TTC34: variants seen among roughly 807,000 people sequenced by gnomAD.
TTC34 encodes tetratricopeptide repeat protein 34.
Under a neutral mutation model 40.7 loss-of-function variants are expected in TTC34, and 44 were observed. The observed-to-expected ratio is 1.08, with a 90% CI of 0.85 to 1.39. The LOEUF (loss-of-function observed/expected upper bound fraction) is 1.39. TTC34 is among the 40% of genes most tolerant of loss of function. The probability of loss-of-function intolerance (pLI) is 0.00; values close to 1 mark genes in which losing one functional copy is unlikely to be tolerated. For missense variants in TTC34, 884 were observed against 838.0 expected (o/e 1.05, Z -0.68); for synonymous variants, 422 against 398.6 (o/e 1.06, Z -0.70).
intron 6 of TTC34, among the ~76,000 whole-genome samples, chr1:2,753,726 C>A (rs1344687926): frequency 2.0e-5 from 2 of 101,858 alleles, no homozygotes; most frequent in Non-Finnish European, 3.6e-5. Context: ...CAGCCTGGAG[C>A]AGCACACACA....
intron 6 of TTC34, among the ~76,000 whole-genome samples, chr1:2,752,584 A>C (rs1255917283): frequency 6.0e-3 from 63 of 10,542 alleles, no homozygotes; most frequent in East Asian, 0.017. Flanking sequence ...CCCAGGTGAG[A>C]ATCTGACAAC....
intron 6 of TTC34, among the ~76,000 whole-genome samples, chr1:2,652,115 C>T (rs796832331): frequency 4.5e-4 from 1 of 2,224 alleles, no homozygotes; most frequent in Admixed American, 6.8e-3. Flanking sequence ...ACTGGAACAG[C>T]ACCCTGCACC....
chr1:2,691,074 T>C lies in TTC34; in HGVS notation c.2227-45511A>G, dbSNP rs1017147871. Among the ~76,000 whole-genome samples, 19 of 80,722 alleles carry C rather than the reference T, an allele frequency of 2.4e-4. 8 individuals carry two copies. Among genetic ancestry groups the C allele is most frequent in the Non-Finnish European group, 5.1e-4 (17 of 33,454 alleles). The allele number at this position is 80,722 out of a possible 152,430, so 53.0% of individuals were successfully genotyped here. ...CAGCACCCACAAACCCAGGTGAGCATCTGATGCTTTGGAGCAGCACCCACA... is the reference window on the plus strand; with the variant it reads ...CAGCACCCACAAACCCAGGTGAGCACCTGATGCTTTGGAGCAGCACCCACA... On this transcript the variant is annotated intron_variant, in intron 6 of 8. Transcript: ENST00000401095.
chr1:2,783,640 G>C, exon 6 of TTC34: 1 of 1,465,140 alleles, frequency 6.8e-7, no homozygotes, highest in Non-Finnish European at 9.1e-7. Flanking sequence ...GTGCACCAAC[G>C]CCCGTCCACA....
chr1:2,683,874 C>G (rs553444550), intron 6 of TTC34, among the ~76,000 whole-genome samples: 1 of 140,142 alleles, frequency 7.1e-6, no homozygotes, highest in African/African-American at 2.9e-5. Flanking sequence ...GAACCCACAC[C>G]CCGAGGCGAG....
At chr1:2,771,518 G>GTC (rs1642138499) in intron 6 of TTC34, among the ~76,000 whole-genome samples, 1 of 39,980 alleles carries the variant, frequency 2.5e-5, no homozygotes, top group Non-Finnish European at 4.2e-5. Context: ...GGAGTAGCAC[G>GTC]CACACCCCCA....
chr1:2,699,011 C>G (rs1216560545), intron 6 of TTC34, among the ~76,000 whole-genome samples: 1 of 75,828 alleles, frequency 1.3e-5, no homozygotes, highest in Non-Finnish European at 3.7e-5. Context: ...GCACCCACAC[C>G]ACCAGGTGAG....
intron 6 of TTC34, among the ~76,000 whole-genome samples, chr1:2,648,127 C>CTA (rs1639056710): frequency 6.6e-6 from 1 of 152,064 alleles, no homozygotes; most frequent in South Asian, 2.1e-4. Context: ...TTCCAAACCT[C>CTA]TAAGCCATCT....
At chr1:2,677,788 GACCGCATCAC>G (rs1639969593) in intron 6 of TTC34, among the ~76,000 whole-genome samples, 18 of 47,212 alleles carry the variant, frequency 3.8e-4, no homozygotes, top group Non-Finnish European at 4.9e-4. Context: ...GTGAGCATCT[GACCGCATCAC>G]ATGGCATCCT....
chr1:2,641,112 TGGGGAGGGCTGGGAAG>T (rs1476761995), exon 9 of TTC34: 43 of 131,140 alleles, frequency 3.3e-4, no homozygotes, highest in Non-Finnish European at 4.5e-4. Context: ...GAAGGTGGTG[TGGGGAGGGCTGGGAAG>T]GGGGAGGGCT....
chr1:2,797,317 C>A (rs552324423), intron 2 of TTC34, among the ~76,000 whole-genome samples: 16 of 148,802 alleles, frequency 1.1e-4, no homozygotes, highest in Middle Eastern at 3.4e-3. Context: ...GGGGCTGGGG[C>A]ACGAGGAAAG....
Position 2,759,180 on chromosome 1 carries a change from TG to T in TTC34, c.2226+24428del, listed in dbSNP as rs1641606877. On this transcript the variant is annotated intron_variant, in intron 6 of 8. Transcript: ENST00000401095. ...ACCCCCAGGCGAGCATCTGACAGCA[TG>T]TAACAGCACCCACACCCCCAGGTAA... 1.6e-5 allele frequency among the ~76,000 whole-genome samples: 2 copies of T among 122,750 alleles called. 1 individual carries two copies. Among genetic ancestry groups the T allele is most frequent in the Non-Finnish European group, 3.3e-5 (2 of 60,252 alleles). The allele number at this position is 122,750 out of a possible 152,430, so 80.5% of individuals were successfully genotyped here. A position where few individuals can be genotyped will look rare whatever the true frequency, so the allele number is the denominator to read the frequency against.
intron 6 of TTC34, among the ~76,000 whole-genome samples, chr1:2,694,996 CA>C (rs1640794295): frequency 6.6e-6 from 1 of 151,926 alleles, no homozygotes; most frequent in South Asian, 2.1e-4. Context: ...CCTGCACCCC[CA>C]GGTGAGGATC....
At chr1:2,690,401 A>C (rs550547188) in intron 6 of TTC34, among the ~76,000 whole-genome samples, 50 of 115,092 alleles carry the variant, frequency 4.3e-4, no homozygotes, top group African/African-American at 1.0e-3. Flanking sequence ...CATCTGACCC[A>C]ACGGAGCAGA....
At chr1:2,787,766 G>T in intron 3 of TTC34, 60 bp from the exon 4 acceptor site, 1 of 1,367,552 alleles carries the variant, frequency 7.3e-7, no homozygotes, top group Non-Finnish European at 9.9e-7. Context: ...ACCTGCCCAG[G>T]TGATTGGGCA....
chr1:2,752,781 T>C (rs1641366912), intron 6 of TTC34, among the ~76,000 whole-genome samples: 7 of 113,532 alleles, frequency 6.2e-5, no homozygotes, highest in African/African-American at 1.2e-4. Context: ...TACGCCCAGA[T>C]AAGCATGTGA....
intron 6 of TTC34, among the ~76,000 whole-genome samples, chr1:2,771,547 T>C (rs1408024817): frequency 1.4e-5 from 1 of 73,046 alleles, no homozygotes; most frequent in Non-Finnish European, 2.4e-5. Flanking sequence ...TCTGACAGCC[T>C]GGAGCAGCAC....
exon 9 of TTC34, chr1:2,640,375 G>A (rs1208782348): frequency 2.6e-5 from 4 of 152,288 alleles, no homozygotes; most frequent in East Asian, 1.9e-4. Context: ...GACATTTAAC[G>A]CACGTATAAG....
At chr1:2,750,045 C>G (rs1341601472) in intron 6 of TTC34, among the ~76,000 whole-genome samples, 1 of 79,716 alleles carries the variant, frequency 1.3e-5, no homozygotes, top group Non-Finnish European at 2.5e-5. Context: ...GCACCCACAC[C>G]CTCAGGTGAG....
Sources: gnomAD v4.1 joint callset for allele counts (sites outside exome capture counted in the v4.1 genomes callset) on GRCh38, gnomAD v4.1.1 for gene constraint, MANE v1.5 for transcripts, NCBI Gene and HGNC (gene_info 2026-07-23, HGNC 2026-07-21) for gene names.